Variants in GRAMD2B observed in about 807,000 individuals in gnomAD.
The protein encoded by GRAMD2B is GRAM domain-containing protein 2B.
Under a neutral mutation model 59.2 loss-of-function variants are expected in GRAMD2B, and 41 were observed. The ratio of observed to expected loss-of-function variants is 0.69; its 90% confidence interval spans 0.54 to 0.90. GRAMD2B has a LOEUF of 0.90. GRAMD2B is among the 40% of genes least tolerant of loss of function. GRAMD2B has a pLI of 0.00. For synonymous variants in GRAMD2B, 161 were observed against 182.7 expected (o/e 0.88, Z 0.96); for missense variants, 424 against 500.5 (o/e 0.85, Z 1.46).
intron 1 of GRAMD2B, among the ~76,000 whole-genome samples, chr5:126,457,677 GTTAAATC>G (rs1173254597): frequency 6.6e-6 from 1 of 152,068 alleles, no homozygotes. Context: ...TGACATTCAA[GTTAAATC>G]TTAAAGGGAG....
At chr5:126,370,970 G>A (rs888146101), upstream of GRAMD2B, among the ~76,000 whole-genome samples, 1 of 152,224 alleles carries the variant, frequency 6.6e-6, no homozygotes, top group Non-Finnish European at 1.5e-5. Context: ...AACACACACA[G>A]TGTGCTGGTC....
At chr5:126,441,392 T>C (rs1038254488) in intron 1 of GRAMD2B, among the ~76,000 whole-genome samples, 3 of 152,236 alleles carry the variant, frequency 2.0e-5, no homozygotes, top group South Asian at 2.1e-4. Flanking sequence ...TGGGTCCTCA[T>C]TGGCGCTGCA....
intron 1 of GRAMD2B, among the ~76,000 whole-genome samples, chr5:126,386,019 A>T (rs1003306364): frequency 1.3e-5 from 2 of 152,224 alleles, no homozygotes; most frequent in Non-Finnish European, 2.9e-5. Flanking sequence ...TAAAGCCCAG[A>T]CACACTTTCC....
chr5:126,474,388 A>G (rs1461929986), intron 5 of GRAMD2B, among the ~76,000 whole-genome samples: 1 of 152,244 alleles, frequency 6.6e-6, no homozygotes, highest in African/African-American at 2.4e-5. Context: ...AGAGGCTAAC[A>G]TACTATTCTT....
chr5:126,393,871 T>TGG (rs1455667444), intron 1 of GRAMD2B, among the ~76,000 whole-genome samples: 3 of 152,114 alleles, frequency 2.0e-5, no homozygotes, highest in Admixed American at 6.5e-5. Context: ...AGACCAGGCC[T>TGG]TCCATGAACC....
At chr5:126,436,178 T>C (rs1283405312) in intron 1 of GRAMD2B, among the ~76,000 whole-genome samples, 1 of 152,188 alleles carries the variant, frequency 6.6e-6, no homozygotes, top group African/African-American at 2.4e-5. Context: ...ACCTAAGAGG[T>C]ACCAGTTTCC....
chr5:126,380,413 T>A (rs1172685659), intron 1 of GRAMD2B, among the ~76,000 whole-genome samples: 2 of 145,326 alleles, frequency 1.4e-5, no homozygotes, highest in Non-Finnish European at 1.5e-5. Flanking sequence ...AATTTTAGGA[T>A]TTTTTTTTTC....
upstream of GRAMD2B, among the ~76,000 whole-genome samples, chr5:126,367,978 C>G (rs1754544221): frequency 6.6e-6 from 1 of 152,138 alleles, no homozygotes; most frequent in African/African-American, 2.4e-5. Flanking sequence ...GTTTCGATCT[C>G]CTGACCTCGT....
At chr5:126,460,981 C>G (rs1767248017) in intron 1 of GRAMD2B, among the ~76,000 whole-genome samples, 1 of 152,176 alleles carries the variant, frequency 6.6e-6, no homozygotes, top group South Asian at 2.1e-4. Flanking sequence ...TCTACTTCTA[C>G]TACCATAAGG....
chr5:126,434,604 G>T (rs1045486529), intron 1 of GRAMD2B, among the ~76,000 whole-genome samples: 12 of 151,666 alleles, frequency 7.9e-5, no homozygotes, highest in Admixed American at 7.9e-4. Context: ...TGCAAGCTCC[G>T]CCTCCCGGGT....
chr5:126,406,443 T>C lies in GRAMD2B; in HGVS notation c.125+34876T>C, dbSNP rs143861498. 2.6e-3 allele frequency among the ~76,000 whole-genome samples: 389 copies of C among 152,056 alleles called. 3 individuals carry two copies. The highest frequency in any genetic ancestry group is 8.9e-3 in the African/African-American group (371 of 41,522). On this transcript the variant is annotated intron_variant, in intron 1 of 8. Coordinates refer to the GRAMD2B transcript ENST00000506445. ...CAAGCATACACTCAATTTTTATATA[T>C]GCATATACCCATGTAACTAACCACC...
At chr5:126,396,735 TC>T (rs1482971648) in intron 1 of GRAMD2B, among the ~76,000 whole-genome samples, 1 of 152,218 alleles carries the variant, frequency 6.6e-6, no homozygotes, top group Non-Finnish European at 1.5e-5. Context: ...TGTCTTTAGG[TC>T]TTTGAGGAAT....
chr5:126,486,130 A>T (rs538671028), intron 11 of GRAMD2B, among the ~76,000 whole-genome samples: 1 of 152,206 alleles, frequency 6.6e-6, no homozygotes, highest in Non-Finnish European at 1.5e-5. Context: ...TTTGATACAT[A>T]TAATGTATAC....
At chr5:126,435,197 AC>A (rs1762213592) in intron 1 of GRAMD2B, among the ~76,000 whole-genome samples, 1 of 152,160 alleles carries the variant, frequency 6.6e-6, no homozygotes, top group Non-Finnish European at 1.5e-5. Flanking sequence ...TGGGATGCAT[AC>A]CCACATAACT....
intron 1 of GRAMD2B, among the ~76,000 whole-genome samples, chr5:126,398,620 T>G (rs1160721841): frequency 6.6e-6 from 1 of 152,140 alleles, no homozygotes; most frequent in African/African-American, 2.4e-5. Context: ...TCTTTATGAT[T>G]TCCTTCCTTC....
chr5:126,483,624 TCCTCA>T, intron 9 of GRAMD2B, 50 bp downstream of exon 9: 1 of 935,988 alleles, frequency 1.1e-6, no homozygotes, highest in Non-Finnish European at 1.7e-6. Context: ...CCTCAAAACA[TCCTCA>T]CCCCACCCCC....
In GRAMD2B at chr5:126,494,165, T is replaced by C. The variant is rs1170961133; in HGVS notation, c.*1209T>C. On this transcript the variant is annotated 3_prime_UTR_variant, in exon 14 of 14. Transcript: ENST00000285689. Reference sequence around the variant, plus strand: ...ATTGGTTGAAACACCCTGCTAACACTGTGTTTTGTCAGTTCGTAAATTCCT... The same window carrying C: ...ATTGGTTGAAACACCCTGCTAACACCGTGTTTTGTCAGTTCGTAAATTCCT... The C allele has an allele frequency of 6.6e-6, 1 of 152,638 alleles. No homozygotes were observed. The highest frequency in any genetic ancestry group is 2.4e-5 in the African/African-American group (1 of 41,454). The allele number at this position is 152,638 out of a possible 1,614,324, so 9.5% of individuals were successfully genotyped here.
chr5:126,449,637 A>T (rs1258950855), intron 1 of GRAMD2B, among the ~76,000 whole-genome samples: 1 of 152,242 alleles, frequency 6.6e-6, no homozygotes, highest in Non-Finnish European at 1.5e-5. Context: ...ATATAGATAT[A>T]TTCCACTTTT....
Position 126,484,559 on chromosome 5 carries a change from A to G in GRAMD2B, c.970+35A>G, listed in dbSNP as rs750481052. On this transcript the variant is annotated intron_variant, in intron 10 of 13. Coordinates refer to ENST00000285689, the MANE Select transcript of GRAMD2B (RefSeq NM_023927.4). ...GGATGTCTCAGGGGGGTGGGTTTAG[A>G]AGGATTGGAGATGTCTGTTTGTAAC... 8.9e-6 allele frequency: 14 copies of G among 1,579,796 alleles called. No homozygotes were observed. In the South Asian group the frequency reaches 1.7e-4, roughly 19 times the overall value.
Sources: gnomAD v4.1 joint callset for allele counts (sites outside exome capture counted in the v4.1 genomes callset) on GRCh38, gnomAD v4.1.1 for gene constraint, MANE v1.5 for transcripts, NCBI Gene and HGNC (gene_info 2026-07-23, HGNC 2026-07-21) for gene names.